Variants in PBX3 observed in about 807,000 individuals in gnomAD.
PBX3 encodes the protein PBX homeobox 3.
A neutral mutation model predicts 48.5 loss-of-function variants in PBX3; 14 were observed. The ratio of observed to expected loss-of-function variants is 0.29; its 90% CI spans 0.19 to 0.45. The LOEUF (loss-of-function observed/expected upper bound fraction) is 0.45, where lower values mean the gene tolerates loss of function less well. Among genes scored for constraint, PBX3 ranks in the 20% least tolerant of loss-of-function variants. The pLI is 1.00. For synonymous variants in PBX3, 210 were observed against 200.3 expected (o/e 1.05, Z -0.41); for missense variants, 386 against 546.7 (o/e 0.71, Z 2.93).
chr9:125,860,146 A>G (rs1209309621), intron 2 of PBX3, among the ~76,000 whole-genome samples: 1 of 152,250 alleles, frequency 6.6e-6, no homozygotes, highest in Non-Finnish European at 1.5e-5. Flanking sequence ...GTAGTCACAC[A>G]GGAATCCAGG....
At chr9:125,891,772 A>G (rs1840650429) in intron 2 of PBX3, among the ~76,000 whole-genome samples, 1 of 152,196 alleles carries the variant, frequency 6.6e-6, no homozygotes. Flanking sequence ...TATCCTAAGT[A>G]TGTAGTCCCA....
At chr9:125,840,655 A>G (rs1340940928) in intron 2 of PBX3, among the ~76,000 whole-genome samples, 1 of 152,018 alleles carries the variant, frequency 6.6e-6, no homozygotes, top group Non-Finnish European at 1.5e-5. Context: ...ATCTTTCTAT[A>G]TCAAGAAAAT....
intron 2 of PBX3, among the ~76,000 whole-genome samples, chr9:125,856,514 G>A (rs1839727330): frequency 1.3e-5 from 2 of 152,092 alleles, no homozygotes; most frequent in South Asian, 4.1e-4. Context: ...GAGGGCTAAC[G>A]GAGCGGCGCC....
chr9:125,958,523 A>T (rs1455315334), intron 5 of PBX3, among the ~76,000 whole-genome samples: 1 of 152,196 alleles, frequency 6.6e-6, no homozygotes, highest in African/African-American at 2.4e-5. Flanking sequence ...GGGAAAGGGA[A>T]CCAGATTGTA....
chr9:125,796,809 C>A (rs1487939152), intron 2 of PBX3, among the ~76,000 whole-genome samples: 1 of 151,946 alleles, frequency 6.6e-6, no homozygotes, highest in Admixed American at 6.6e-5. Flanking sequence ...ATATAATACA[C>A]CGTAAGGACT....
intron 2 of PBX3, among the ~76,000 whole-genome samples, chr9:125,909,211 G>A (rs1416820621): frequency 6.6e-6 from 1 of 152,096 alleles, no homozygotes; most frequent in African/African-American, 2.4e-5. Flanking sequence ...TGTCTCTTGA[G>A]GCAGGATCTA....
At chr9:125,929,883 C>T (rs774009779) in intron 4 of PBX3, 38 bp downstream of exon 4, 14 of 1,433,124 alleles carry the variant, frequency 9.8e-6, no homozygotes, top group East Asian at 4.5e-5. Context: ...GGCTTTCCCC[C>T]GTCTGTCACT....
chr9:125,842,931 T>C (rs1317147224), intron 2 of PBX3, among the ~76,000 whole-genome samples: 2 of 152,160 alleles, frequency 1.3e-5, no homozygotes, highest in African/African-American at 4.8e-5. Context: ...GTTTTTTCTT[T>C]ACAAAATTAA....
At chr9:125,886,162 A>G (rs969488607) in intron 2 of PBX3, among the ~76,000 whole-genome samples, 3 of 152,100 alleles carry the variant, frequency 2.0e-5, no homozygotes, top group Admixed American at 6.6e-5. Context: ...AGCAGGATCT[A>G]TGTTTTTAAT....
At chr9:125,866,332 T>C (rs143324700) in intron 2 of PBX3, among the ~76,000 whole-genome samples, 35 of 152,350 alleles carry the variant, frequency 2.3e-4, no homozygotes, top group African/African-American at 7.9e-4. Flanking sequence ...ATTAAATATC[T>C]GTATAGTTAT....
At chr9:125,916,493 T>A (rs1215344108) in intron 3 of PBX3, among the ~76,000 whole-genome samples, 1 of 152,236 alleles carries the variant, frequency 6.6e-6, no homozygotes, top group African/African-American at 2.4e-5. Context: ...CAAGGCATTA[T>A]GTGCTAAATT....
chr9:125,796,020 T>G (rs1046603095), intron 2 of PBX3, among the ~76,000 whole-genome samples: 2 of 152,238 alleles, frequency 1.3e-5, no homozygotes, highest in Non-Finnish European at 2.9e-5. Flanking sequence ...GAGTCTTGAC[T>G]CTTAGGTGTA....
At chr9:125,755,682 T>C (rs952329268) in intron 2 of PBX3, among the ~76,000 whole-genome samples, 1 of 150,028 alleles carries the variant, frequency 6.7e-6, no homozygotes, top group Non-Finnish European at 1.5e-5. Context: ...GTTTTTTTTT[T>C]TTTTTTTTTT....
intron 2 of PBX3, among the ~76,000 whole-genome samples, chr9:125,911,837 C>G (rs1027228510): frequency 8.5e-5 from 13 of 152,088 alleles, no homozygotes; most frequent in Non-Finnish European, 1.8e-4. Flanking sequence ...GTACTCTTTA[C>G]TAAGTAAAAG....
chr9:125,857,919 A>G (rs74599140), intron 2 of PBX3, among the ~76,000 whole-genome samples: 5,743 of 152,304 alleles, frequency 0.038, 331 homozygotes, highest in African/African-American at 0.13. Context: ...AATTATGAGC[A>G]TAAGAAGTGC....
chr9:125,832,486 C>T (rs1483895554), intron 2 of PBX3, among the ~76,000 whole-genome samples: 1 of 152,196 alleles, frequency 6.6e-6, no homozygotes, highest in Non-Finnish European at 1.5e-5. Flanking sequence ...TGAGCCCCTG[C>T]GCCCAGCCTA....
chr9:125,837,662 CAA>C (rs1192634243), intron 2 of PBX3, among the ~76,000 whole-genome samples: 3 of 151,952 alleles, frequency 2.0e-5, no homozygotes, highest in Non-Finnish European at 4.4e-5. Flanking sequence ...GCAAAGGTCT[CAA>C]GACTTTTTTT....
intron 3 of PBX3, among the ~76,000 whole-genome samples, chr9:125,925,999 A>T (rs984274790): frequency 6.6e-6 from 1 of 152,218 alleles, no homozygotes; most frequent in Non-Finnish European, 1.5e-5. Flanking sequence ...TTAACATTCT[A>T]TGGAACTAGC....
At chr9:125,868,637 T>C (rs1232683315) in intron 2 of PBX3, among the ~76,000 whole-genome samples, 1 of 152,130 alleles carries the variant, frequency 6.6e-6, no homozygotes, top group Admixed American at 6.5e-5. Context: ...AGAAACAAAA[T>C]CAGAGCTCTT....
Sources: gnomAD v4.1 joint callset for allele counts (sites outside exome capture counted in the v4.1 genomes callset) on GRCh38, gnomAD v4.1.1 for gene constraint, MANE v1.5 for transcripts, NCBI Gene and HGNC (gene_info 2026-07-23, HGNC 2026-07-21) for gene names.